The following HERC2 variants were observed in gnomAD, a reference collection of about 807,000 sequenced individuals.
The protein encoded by HERC2 is HECT and RLD domain containing E3 ubiquitin protein ligase 2, also known as E3 ubiquitin-protein ligase HERC2.
Under a neutral mutation model 537.7 loss-of-function variants are expected in HERC2, and 102 were observed. The observed-to-expected ratio is 0.19, with a 90% CI of 0.16 to 0.22. HERC2 has a LOEUF of 0.22. HERC2 is among the 10% of genes least tolerant of loss of function. HERC2 has a pLI of 1.00. For synonymous variants in HERC2, 2,224 were observed against 2,466.2 expected, an observed-to-expected ratio of 0.90 and a Z score of 2.91; for missense variants, 4,236 against 6,198.2, an observed-to-expected ratio of 0.68 and a Z score of 10.63.
intron 2 of HERC2, among the ~76,000 whole-genome samples, chr15:28,311,874 T>C (rs2076954956): frequency 6.6e-6 from 1 of 151,866 alleles, no homozygotes; most frequent in South Asian, 2.1e-4. Context: ...AGGTACCATT[T>C]TTAAAAAAAA....
Position 28,141,745 on chromosome 15 carries a change from C to T in HERC2, c.11802G>A (p.Val3934=). ...AATATAATAACCTGTTCATCCACTG[C>T]ACAAGTTGTTCGTCTTGCTCTCTTT... ...IFKREQDEQL[V]QWMNRRPDDW... Residue 3934 remains valine (V), a synonymous_variant, in exon 77 of 93, where the codon GTG becomes GTA. Transcript: ENST00000261609. The T allele has an allele frequency of 6.2e-7, 1 of 1,613,932 alleles. No homozygotes were observed.
chr15:28,287,318 A>T (rs1379142992), intron 4 of HERC2, among the ~76,000 whole-genome samples: 1 of 152,172 alleles, frequency 6.6e-6, no homozygotes, highest in Non-Finnish European at 1.5e-5. Flanking sequence ...TGGCTCAAGA[A>T]TATGCTTTGA....
chr15:28,158,446 ATAGT>A (rs751690186), intron 69 of HERC2, among the ~76,000 whole-genome samples: 4 of 152,228 alleles, frequency 2.6e-5, no homozygotes, highest in South Asian at 2.1e-4. Context: ...GATATTTAGG[ATAGT>A]TAGTTCTTCT....
At chr15:28,223,248 C>T (rs1172504507) in intron 35 of HERC2, among the ~76,000 whole-genome samples, 1 of 152,032 alleles carries the variant, frequency 6.6e-6, no homozygotes, top group Non-Finnish European at 1.5e-5. Flanking sequence ...AGATTTTTAA[C>T]CCCCCTTTTC....
At chr15:28,253,692 T>C (rs1212955926) in intron 20 of HERC2, among the ~76,000 whole-genome samples, 1 of 152,252 alleles carries the variant, frequency 6.6e-6, no homozygotes, top group Non-Finnish European at 1.5e-5. Flanking sequence ...CCGGGAACAG[T>C]GGCTTACGCC....
intron 38 of HERC2, 79 bp downstream of exon 38, chr15:28,218,410 C>T (rs1311447157): frequency 1.4e-5 from 18 of 1,247,260 alleles, no homozygotes; most frequent in Non-Finnish European, 1.7e-5. Flanking sequence ...CACATCCACA[C>T]CCACCCACAT....
At chr15:28,220,975 C>A (rs1282828202) in intron 36 of HERC2, among the ~76,000 whole-genome samples, 1 of 141,616 alleles carries the variant, frequency 7.1e-6, no homozygotes, top group African/African-American at 2.7e-5. Flanking sequence ...CCTTCCATGG[C>A]TCCCACCAGA....
chr15:28,184,714 T>C (rs1896138488), intron 56 of HERC2, among the ~76,000 whole-genome samples: 1 of 151,120 alleles, frequency 6.6e-6, no homozygotes, highest in African/African-American at 2.4e-5. Context: ...ACAAAAAAAT[T>C]AGCCGGGCAT....
intron 69 of HERC2, among the ~76,000 whole-genome samples, chr15:28,159,633 C>T (rs1275830205): frequency 6.6e-6 from 1 of 152,168 alleles, no homozygotes; most frequent in Admixed American, 6.5e-5. Context: ...AGCCATTCGT[C>T]TAATCTTTTT....
Position 28,163,166 on chromosome 15 carries a change from G to A in HERC2, c.10674C>T (p.Cys3558=). ...CCCTGCCCCTGTCCCCGGCCCGGCT[G>A]CACACTGACAGCTTGAGCAGGTCTA... ...VVVDLLKLSV[C]SRAGDRGRDV... Residue 3558 remains cysteine, a synonymous_variant, in exon 69 of 93, where the codon TGC becomes TGT. Coordinates refer to ENST00000261609, the MANE Select transcript of HERC2 (RefSeq NM_004667.6). The A allele has an allele frequency of 1.2e-6, 2 of 1,613,456 alleles. No homozygotes were observed. The highest frequency in any genetic ancestry group is 1.1e-5 in the South Asian group (1 of 91,070).
intron 7 of HERC2, among the ~76,000 whole-genome samples, chr15:28,273,962 G>A (rs377654679): frequency 3.9e-5 from 6 of 152,164 alleles, no homozygotes; most frequent in East Asian, 3.9e-4. Flanking sequence ...GCACCACTCC[G>A]CACTCAGAAC....
At chr15:28,300,149 C>T (rs181820405) in intron 2 of HERC2, among the ~76,000 whole-genome samples, 185 of 151,706 alleles carry the variant, frequency 1.2e-3, no homozygotes, top group Admixed American at 3.3e-3. Context: ...AAGCAAGTAC[C>T]AATGACTACC....
At chr15:28,225,076 T>A (rs1443379698) in intron 35 of HERC2, among the ~76,000 whole-genome samples, 1 of 152,102 alleles carries the variant, frequency 6.6e-6, no homozygotes, top group Non-Finnish European at 1.5e-5. Flanking sequence ...CTGGAAGAAC[T>A]AAAAAATAAC....
chr15:28,273,235 G>A (rs536247238), intron 7 of HERC2: 26 of 577,462 alleles, frequency 4.5e-5, no homozygotes, highest in African/African-American at 3.7e-4. Flanking sequence ...CTATATTACA[G>A]TAGATGACAT....
intron 26 of HERC2, among the ~76,000 whole-genome samples, chr15:28,235,813 C>G (rs574445076): frequency 7.7e-4 from 118 of 152,288 alleles, no homozygotes; most frequent in Middle Eastern, 6.8e-3. Context: ...CTGAACACCT[C>G]GCATGGTAAC....
In HERC2 at chr15:28,254,462, C is replaced by T. The variant is rs138520526; in HGVS notation, c.2928G>A (p.Ala976=). The change falls in exon 20 of 93, where the codon GCG becomes GCA. Residue 976 remains alanine (A), a synonymous_variant. Transcript: ENST00000261609. ...TGCTTCTATGAAATGTTGAGGCATT[C>T]GCTTCCTGTTCATCAATTTCTTTTT... ...QKEKEIDEQE[A]NASTFHRSRT... 4.3e-4 allele frequency: 694 copies of T among 1,604,536 alleles called. 1 individual carries two copies. The highest frequency in any genetic ancestry group is 2.6e-3 in the Admixed American group (148 of 57,364).
Position 28,213,943 on chromosome 15 carries a change from G to T in HERC2, c.6585C>A (p.Ser2195=), listed in dbSNP as rs150374233. The change falls in exon 42 of 93, where the codon TCC becomes TCA. Residue 2195 remains serine, a synonymous_variant. Transcript: ENST00000261609. ...TGAGGCCCCCCACTTCAGGGTTCTC[G>T]GAGTCGGGGAAGTAGTCCTCTAACT... The part of the protein sequence containing the change: ...GAQLEDYFPD[S]ENPEVGGLMA... 1.2e-6 allele frequency: 2 copies of T among 1,614,044 alleles called. No individual in the cohort carries two copies. Among genetic ancestry groups the T allele is most frequent in the East Asian group, 4.5e-5 (2 of 44,864 alleles).
intron 3 of HERC2, among the ~76,000 whole-genome samples, chr15:28,298,163 T>G (rs1036947101): frequency 2.0e-5 from 3 of 151,162 alleles, no homozygotes; most frequent in Admixed American, 2.0e-4. Flanking sequence ...TTTTGTTTTT[T>G]TTTTTTTTGA....
chr15:28,197,325 T>C (rs1897441762), intron 50 of HERC2, among the ~76,000 whole-genome samples: 4 of 152,244 alleles, frequency 2.6e-5, no homozygotes, highest in African/African-American at 4.8e-5. Flanking sequence ...ATAGTATACC[T>C]TTCAAAGTGT....
Sources: gnomAD v4.1 joint callset for allele counts (sites outside exome capture counted in the v4.1 genomes callset) on GRCh38, gnomAD v4.1.1 for gene constraint, MANE v1.5 for transcripts, NCBI Gene and HGNC (gene_info 2026-07-23, HGNC 2026-07-21) for gene names.